Variants in ACSM3 observed in about 807,000 individuals in gnomAD.
The protein encoded by ACSM3 is acyl-CoA synthetase medium chain family member 3, also known as acyl-coenzyme A synthetase ACSM3, mitochondrial.
ACSM3 carries 61 observed loss-of-function variants against 74.1 expected under a neutral mutation model. That is an observed-to-expected ratio of 0.82 (90% CI 0.67 to 1.02). The LOEUF is 1.02. ACSM3 is among the 50% of genes least tolerant of loss of function. The probability of loss-of-function intolerance (pLI) is 0.00; values close to 1 mark genes in which losing one functional copy is unlikely to be tolerated. For missense variants in ACSM3, 660 were observed against 697.0 expected (o/e 0.95, Z 0.60); for synonymous variants, 213 against 241.5 (o/e 0.88, Z 1.09).
chr16:20,697,024 A>G (rs2079693438), intron 1 of ACSM3, among the ~76,000 whole-genome samples: 4 of 152,172 alleles, frequency 2.6e-5, no homozygotes, highest in Admixed American at 6.5e-5. Flanking sequence ...TAAGGACTCA[A>G]TAAATGTTGA....
chr16:20,785,016 G>A lies in ACSM3; in HGVS notation c.1052G>A (p.Ser351Asn), dbSNP rs147257547. 8.7e-4 allele frequency: 1,403 copies of A among 1,613,728 alleles called. 1 individual carries two copies. Among genetic ancestry groups the A allele is most frequent in the Middle Eastern group, 4.6e-3 (28 of 6,058 alleles). Residue 351 changes from serine to asparagine, a missense_variant, in exon 8 of 14, where the codon AGT (serine) becomes AAT (asparagine). By Grantham distance (46) the Ser-to-Asn change is conservative (BLOSUM62 1). Coordinates refer to ENST00000289416, the MANE Select transcript of ACSM3 (RefSeq NM_005622.4). ...YKFKSLKHCV[S>N]AGEPITPDVT... ...TTTAAAAGCTTAAAGCACTGTGTGA[G>A]TGCTGGGGAACCAATTACCCCTGAC...
chr16:20,695,141 C>A (rs188216571), intron 1 of ACSM3, among the ~76,000 whole-genome samples: 1 of 152,284 alleles, frequency 6.6e-6, no homozygotes. Context: ...CATGAGAGGG[C>A]CAAACACAGT....
At chr16:20,688,662 T>A (rs1275442420) in intron 1 of ACSM3, among the ~76,000 whole-genome samples, 1 of 152,090 alleles carries the variant, frequency 6.6e-6, no homozygotes, top group Non-Finnish European at 1.5e-5. Context: ...CCAAGAATTT[T>A]ACATCCAGAA....
At chr16:20,738,259 C>G (rs759429774) in intron 1 of ACSM3, 58 of 478,688 alleles carry the variant, frequency 1.2e-4, no homozygotes, top group African/African-American at 1.1e-3. Flanking sequence ...TAACACCATG[C>G]TGTTGTTTTC....
intron 1 of ACSM3, among the ~76,000 whole-genome samples, chr16:20,677,280 AACTAACTAAG>A (rs1356368900): frequency 3.3e-5 from 5 of 151,902 alleles, no homozygotes; most frequent in African/African-American, 9.7e-5. Flanking sequence ...TGCCAGATCT[AACTAACTAAG>A]CTTATCTTCT....
At chr16:20,696,385 G>A (rs769090080) in intron 1 of ACSM3, among the ~76,000 whole-genome samples, 3 of 152,146 alleles carry the variant, frequency 2.0e-5, no homozygotes, top group Admixed American at 6.5e-5. Context: ...CACCGTGCTG[G>A]ACATAGTAAG....
At chr16:20,698,189 C>CAAA (rs759884200) in intron 1 of ACSM3, among the ~76,000 whole-genome samples, 1 of 75,234 alleles carries the variant, frequency 1.3e-5, no homozygotes, top group Non-Finnish European at 2.8e-5. Context: ...GACTCTGTCT[C>CAAA]AAAAAAAAAA....
chr16:20,681,460 C>A (rs1477505630), intron 1 of ACSM3: 1 of 152,170 alleles, frequency 6.6e-6, no homozygotes, highest in African/African-American at 2.4e-5. Flanking sequence ...GGTTCTCAAC[C>A]TTTGGAGGAT....
At chr16:20,775,146 CG>C (rs1699054504) in intron 2 of ACSM3, among the ~76,000 whole-genome samples, 1 of 151,980 alleles carries the variant, frequency 6.6e-6, no homozygotes, top group Admixed American at 6.5e-5. Context: ...TCTACGGGAA[CG>C]TGTGGGGATG....
chr16:20,772,081 ATTTGTTTTGT>A (rs903581603), intron 2 of ACSM3, among the ~76,000 whole-genome samples: 7 of 151,924 alleles, frequency 4.6e-5, no homozygotes, highest in African/African-American at 7.2e-5. Flanking sequence ...TAATTGAATT[ATTTGTTTTGT>A]TTTGTTTTGT....
At chr16:20,719,232 G>T in intron 1 of ACSM3, 1 of 181,098 alleles carries the variant, frequency 5.5e-6, no homozygotes, top group South Asian at 1.3e-4. Flanking sequence ...TTTAGATATT[G>T]GCTGGATATC....
chr16:20,797,049 A>C lies in ACSM3; in HGVS notation c.*77A>C. On this transcript the variant is annotated 3_prime_UTR_variant, in exon 14 of 14. Transcript: ENST00000289416. ...CTCTAGAAACCACAAGATGATGGAG[A>C]GGTCATAAAAACTGTGGTAGTATGC... 1.3e-6 allele frequency: 2 copies of C among 1,541,068 alleles called. No individual in the cohort carries two copies. Among genetic ancestry groups the C allele is most frequent in the Non-Finnish European group, 1.7e-6 (2 of 1,150,024 alleles).
intron 1 of ACSM3, chr16:20,711,519 C>A: frequency 7.1e-7 from 1 of 1,417,564 alleles, no homozygotes; most frequent in Non-Finnish European, 9.7e-7. Context: ...CAAAATATAT[C>A]CTCTACCGGC....
chr16:20,688,722 AG>A (rs2079598821), intron 1 of ACSM3, among the ~76,000 whole-genome samples: 1 of 152,044 alleles, frequency 6.6e-6, no homozygotes, highest in African/African-American at 2.4e-5. Context: ...GATAAACAAA[AG>A]TCAAAGTTCA....
At chr16:20,717,956 G>GGAAGAGGAAGAAGAAGAAGAA (rs1190590436) in intron 1 of ACSM3, among the ~76,000 whole-genome samples, 40 of 74,410 alleles carry the variant, frequency 5.4e-4, no homozygotes, top group Admixed American at 8.6e-4. Context: ...AAGAGGAAGA[G>GGAAGAGGAAGAAGAAGAAGAA]GAAGAAGAAG....
intron 1 of ACSM3, chr16:20,742,178 G>A (rs1050328891): frequency 1.2e-5 from 8 of 643,056 alleles, no homozygotes; most frequent in African/African-American, 1.9e-5. Flanking sequence ...GTCAAGTCCC[G>A]TAACAGGTTG....
chr16:20,796,832 T>A, intron 13 of ACSM3, 54 bp from the exon 14 acceptor site: 1 of 1,604,904 alleles, frequency 6.2e-7, no homozygotes, highest in Non-Finnish European at 8.5e-7. Flanking sequence ...TATAATTGGC[T>A]TTATGTAAAG....
Position 20,777,562 on chromosome 16 carries a change from A to G in ACSM3, c.620A>G (p.Asn207Ser). 1 of 1,613,928 alleles carries G rather than the reference A, an allele frequency of 6.2e-7. No homozygotes were observed. The highest frequency in any genetic ancestry group is 8.5e-7 in the Non-Finnish European group (1 of 1,179,888). The change falls in exon 4 of 14, where the codon AAC (asparagine) becomes AGC (serine). Residue 207 changes from asparagine (N) to serine (S), a missense_variant. By Grantham distance (46) the Asn-to-Ser change is conservative. Coordinates refer to ENST00000289416, the MANE Select transcript of ACSM3 (RefSeq NM_005622.4). ...VSENSREGWGNLKELMKHASD... is the reference protein window; with the variant it reads ...VSENSREGWGSLKELMKHASD... ...GAGAACTCCAGAGAGGGGTGGGGGAACCTCAAGGAGTTGATGAAGTGAGTA... is the reference window on the plus strand; with the variant it reads ...GAGAACTCCAGAGAGGGGTGGGGGAGCCTCAAGGAGTTGATGAAGTGAGTA...
chr16:20,691,125 G>T (rs2079646218), intron 1 of ACSM3: 1 of 1,613,222 alleles, frequency 6.2e-7, no homozygotes, highest in Non-Finnish European at 8.5e-7. Context: ...GAAGGGGCAG[G>T]GTGGATGTTG....
Sources: allele counts gnomAD v4.1 joint callset (sites outside exome capture counted in the v4.1 genomes callset), GRCh38; gene constraint gnomAD v4.1.1; transcripts MANE v1.5; gene names NCBI Gene and HGNC (gene_info 2026-07-23, HGNC 2026-07-21).